Variants in MSLN observed in about 807,000 individuals in gnomAD.
MSLN encodes the protein CAK1 antigen.
Under a neutral mutation model 72.6 loss-of-function variants are expected in MSLN, and 82 were observed. The observed-to-expected ratio is 1.13, with a 90% CI of 0.94 to 1.36. The LOEUF (loss-of-function observed/expected upper bound fraction) is 1.36. MSLN is among the 40% of genes most tolerant of loss of function. The pLI is 0.00. For missense variants in MSLN, 1,005 were observed against 847.9 expected, an observed-to-expected ratio of 1.19 and a Z score of -2.30; for synonymous variants, 456 against 387.3, an observed-to-expected ratio of 1.18 and a Z score of -2.08.
intron 2 of MSLN, among the ~76,000 whole-genome samples, chr16:761,520 G>A (rs1387347198): frequency 3.3e-5 from 5 of 152,242 alleles, no homozygotes; most frequent in Non-Finnish European, 7.3e-5. Flanking sequence ...GTCACATGGA[G>A]CTGGGGTGGG....
chr16:765,533 G>T lies in MSLN; in HGVS notation c.711G>T (p.Pro237=). ...GTGTCCCGTGTCTGCACAGCCCCCCGTCGACATGGTCTGTCTCCACGATGG... is the reference window on the plus strand; with the variant it reads ...GTGTCCCGTGTCTGCACAGCCCCCCTTCGACATGGTCTGTCTCCACGATGG... ...LQGGGPPYGP[P]STWSVSTMDA... is the part of the protein sequence containing the mutation. The change falls in exon 10 of 18, where the codon CCG becomes CCT. Residue 237 remains proline, a synonymous_variant. Coordinates refer to ENST00000545450, the MANE Select transcript of MSLN (RefSeq NM_005823.6). The T allele has an allele frequency of 6.2e-7, 1 of 1,605,278 alleles. No individual in the cohort carries two copies. The highest frequency in any genetic ancestry group is 8.5e-7 in the Non-Finnish European group (1 of 1,178,642).
chr16:768,153 C>G lies in MSLN; in HGVS notation c.1597-226C>G, dbSNP rs529825898. Among the ~76,000 whole-genome samples the G allele has an allele frequency of 1.3e-4, 20 of 149,478 alleles. No individual in the cohort carries two copies. The East Asian group carries it at 3.0e-3, about 22-fold the overall frequency. On this transcript the variant is annotated intron_variant, in intron 16 of 17. Coordinates refer to ENST00000545450, the MANE Select transcript of MSLN (RefSeq NM_005823.6). ...GGGTGGGAGGGCGTGTAAGGCGGGT[C>G]TGCAGTGGGGCGAGGCCTTAGGAAG...
chr16:766,640 C>G, intron 13 of MSLN, 28 bp from the exon 14 acceptor site: 1 of 1,611,980 alleles, frequency 6.2e-7, no homozygotes, highest in Non-Finnish European at 8.5e-7. Context: ...CTCCTTGCCA[C>G]AAGGCTCCTC....
chr16:767,443 C>G lies in MSLN; in HGVS notation c.1569C>G (p.Phe523Leu), dbSNP rs369865509. 2 of 1,568,908 alleles carry G rather than the reference C, an allele frequency of 1.3e-6. No homozygotes were observed. The highest frequency in any genetic ancestry group is 3.1e-5 in the African/African-American group (2 of 64,982). ...ATGTGAGCATGGACTTGGCCACGTT[C>G]ATGAAGCTGCGGACGGATGCGGTGC... ...QQNVSMDLAT[F>L]MKLRTDAVLP... Residue 523 changes from phenylalanine (F) to leucine (L), a missense_variant, in exon 16 of 18, where the codon TTC (phenylalanine) becomes TTG (leucine). By Grantham distance (22) the Phe-to-Leu change is conservative. Transcript: ENST00000545450.
At chr16:761,637 G>C (rs1314190671) in intron 2 of MSLN, among the ~76,000 whole-genome samples, 1 of 151,048 alleles carries the variant, frequency 6.6e-6, no homozygotes, top group Admixed American at 6.6e-5. Context: ...TGTGGGGGGG[G>C]TCTGTTTTCT....
chr16:767,313 T>C (rs2041628551), intron 15 of MSLN, 63 bp from the exon 16 acceptor site: 3 of 1,443,410 alleles, frequency 2.1e-6, no homozygotes, highest in Admixed American at 3.4e-5. Context: ...TCCTGCAGCC[T>C]GTGGTCAAGG....
At chr16:765,085 A>T in intron 8 of MSLN, 25 bp from the exon 9 acceptor site, 3 of 1,606,142 alleles carry the variant, frequency 1.9e-6, no homozygotes, top group Non-Finnish European at 2.5e-6. Context: ...CAGTTCCAAA[A>T]GCGCTGAGGC....
chr16:764,803 C>G (rs1387759273), intron 7 of MSLN, 77 bp downstream of exon 7: 18 of 1,577,450 alleles, frequency 1.1e-5, no homozygotes, highest in Non-Finnish European at 1.4e-5. Flanking sequence ...CCCCTTGCCT[C>G]GGATCCCAGG....
intron 4 of MSLN, 56 bp downstream of exon 4, chr16:763,332 C>T: frequency 2.2e-6 from 3 of 1,385,212 alleles, no homozygotes; most frequent in South Asian, 2.6e-5. Flanking sequence ...GTGGGGGTGC[C>T]ATGCTGTGTT....
rs1474311792 is a variant in MSLN, at chr16:766,401, C to T, written c.1141C>T (p.Pro381Ser). 6.2e-7 allele frequency: 1 copy of T among 1,612,606 alleles called. No individual in the cohort carries two copies. Among genetic ancestry groups the T allele is most frequent in the Non-Finnish European group, 8.5e-7 (1 of 1,179,944 alleles). The stretch of plus-strand genomic sequence containing the variant: ...GGGCTACCTCTTCCTCAAGATGAGC[C>T]CTGAGGACATTCGCAAGTGGAATGT... ...HLGYLFLKMS[P>S]EDIRKWNVTS... The change falls in exon 13 of 18, where the codon CCT (proline) becomes TCT (serine). Residue 381 changes from proline (P) to serine (S), a missense_variant. Physicochemically the swap from Pro to Ser is moderately conservative, Grantham distance 74. Coordinates refer to ENST00000545450, the MANE Select transcript of MSLN (RefSeq NM_005823.6).
intron 9 of MSLN, 24 bp downstream of exon 9, chr16:765,327 C>T (rs777673844): frequency 7.8e-6 from 12 of 1,535,718 alleles, no homozygotes; most frequent in East Asian, 2.3e-5. Context: ...TCTGGAACCT[C>T]GAAGGCTCAC....
At chr16:763,349 G>C (rs2041560777) in intron 4 of MSLN, 73 bp downstream of exon 4, 1 of 1,265,742 alleles carries the variant, frequency 7.9e-7, no homozygotes, top group African/African-American at 1.5e-5. Context: ...TGTTCTCTCT[G>C]TCACGTATCC....
chr16:766,628 C>G, intron 13 of MSLN, 40 bp from the exon 14 acceptor site: 1 of 1,611,674 alleles, frequency 6.2e-7, no homozygotes, highest in South Asian at 1.1e-5. Context: ...AGGGATACAT[C>G]TCTCCTTGCC....
chr16:764,694 C>T lies in MSLN; in HGVS notation c.348C>T (p.Asp116=), dbSNP rs776929270. The T allele has an allele frequency of 9.9e-6, 16 of 1,612,388 alleles. No homozygotes were observed. The highest frequency in any genetic ancestry group is 2.2e-5 in the East Asian group (1 of 44,884). ...HRLSEPPEDL[D]ALPLDLLLFL... is the part of the protein sequence containing the mutation. ...TCTCTGAGCCCCCCGAGGACCTGGACGCCCTCCCATTGGACCTGCTGCTAT... is the reference window on the plus strand; with the variant it reads ...TCTCTGAGCCCCCCGAGGACCTGGATGCCCTCCCATTGGACCTGCTGCTAT... The change falls in exon 7 of 18, where the codon GAC becomes GAT. Residue 116 remains aspartate (D), a synonymous_variant. Coordinates refer to ENST00000545450, the MANE Select transcript of MSLN (RefSeq NM_005823.6).
chr16:766,165 C>T lies in MSLN; in HGVS notation c.1002C>T (p.Thr334=), dbSNP rs1311484413. The T allele has an allele frequency of 5.0e-6, 8 of 1,612,736 alleles. No individual in the cohort carries two copies. Among genetic ancestry groups the T allele is most frequent in the Non-Finnish European group, 6.8e-6 (8 of 1,179,902 alleles). The change falls in exon 12 of 18, where the codon ACC becomes ACT. Residue 334 remains threonine (T), a synonymous_variant. Transcript: ENST00000545450. Reference sequence around the variant, plus strand: ...GCGTGGATGCGGCCCTGCTGGCCACCCAGATGGACCGCGTGAACGCCATCC... The same window carrying T: ...GCGTGGATGCGGCCCTGCTGGCCACTCAGATGGACCGCGTGAACGCCATCC... ...EACVDAALLA[T]QMDRVNAIPF...
intron 11 of MSLN, 45 bp downstream of exon 11, chr16:765,835 C>A: frequency 1.9e-6 from 3 of 1,556,862 alleles, no homozygotes; most frequent in Non-Finnish European, 8.7e-7. Context: ...CTGGGCAGCA[C>A]CCCTGGGGGT....
rs751744116 is a variant in MSLN at position 766,651 on chromosome 16, G to A, written c.1231-17G>A. The A allele has an allele frequency of 3.8e-5, 61 of 1,612,068 alleles. No homozygotes were observed. The Admixed American group carries it at 8.8e-4, about 23-fold the overall frequency. On this transcript the variant is annotated splice_polypyrimidine_tract_variant and intron_variant, in intron 13 of 17. Transcript: ENST00000545450. Reference sequence around the variant, plus strand: ...ATCTCTCCTTGCCACAAGGCTCCTCGGCGGCCCCTCCCACAGGTGGCCACC... The same window carrying A: ...ATCTCTCCTTGCCACAAGGCTCCTCAGCGGCCCCTCCCACAGGTGGCCACC...
chr16:768,158 G>C (rs934998729), intron 16 of MSLN, among the ~76,000 whole-genome samples: 1 of 151,022 alleles, frequency 6.6e-6, no homozygotes, highest in Non-Finnish European at 1.5e-5. Flanking sequence ...CGGGTCTGCA[G>C]TGGGGCGAGG....
At chr16:767,102 C>G in intron 15 of MSLN, 90 bp downstream of exon 15, 1 of 1,574,076 alleles carries the variant, frequency 6.4e-7, no homozygotes, top group South Asian at 1.1e-5. Flanking sequence ...CCTCGCCGGG[C>G]CGTCTGCTGC....
Sources: allele counts gnomAD v4.1 joint callset (sites outside exome capture counted in the v4.1 genomes callset), GRCh38; gene constraint gnomAD v4.1.1; transcripts MANE v1.5; gene names NCBI Gene and HGNC (gene_info 2026-07-23, HGNC 2026-07-21).